The following WNT10A variants were observed in gnomAD, a reference collection of about 807,000 sequenced individuals.
The protein encoded by WNT10A is protein Wnt-10a.
In WNT10A, 37 loss-of-function variants were observed where a neutral mutation model predicts 36.1. That is an observed-to-expected ratio of 1.02 (90% confidence interval 0.79 to 1.35). The LOEUF is 1.35. Ranked by LOEUF, WNT10A falls within the 40% of genes most tolerant of loss-of-function variation. WNT10A has a pLI of 0.00. For missense variants in WNT10A, 613 were observed against 601.4 expected, an observed-to-expected ratio of 1.02 and a Z score of -0.20; for synonymous variants, 255 against 254.1, an observed-to-expected ratio of 1.00 and a Z score of -0.03.
chr2:218,877,757 G>A (rs1944465337), upstream of WNT10A, among the ~76,000 whole-genome samples: 1 of 152,216 alleles, frequency 6.6e-6, no homozygotes, highest in Admixed American at 6.5e-5. The surrounding 1 kb of genome is among the most constrained non-coding windows in gnomAD (Gnocchi z 4.1). Flanking sequence ...TTGGGAGTTT[G>A]GGGAGACTGC....
upstream of WNT10A, among the ~76,000 whole-genome samples, chr2:218,877,503 T>G (rs1944463532): frequency 6.6e-6 from 1 of 152,108 alleles, no homozygotes; most frequent in Non-Finnish European, 1.5e-5. This position sits in a 1 kb window ranked among gnomAD's most constrained non-coding sequence, Gnocchi z 4.1. Flanking sequence ...CCACCCCTGC[T>G]CATCCAGCTG....
At chr2:218,876,756 A>G (rs1318173144), upstream of WNT10A, among the ~76,000 whole-genome samples, 1 of 152,226 alleles carries the variant, frequency 6.6e-6, no homozygotes, top group Non-Finnish European at 1.5e-5. Context: ...AAACCAAACA[A>G]GCCCAAAACC....
chr2:218,879,965 G>A (rs375909689), upstream of WNT10A, among the ~76,000 whole-genome samples: 2 of 152,162 alleles, frequency 1.3e-5, no homozygotes. Flanking sequence ...TCACTGAGGA[G>A]ACAAGGTGGT....
chr2:218,885,648 A>G (rs1350026237), intron 2 of WNT10A, among the ~76,000 whole-genome samples: 1 of 152,248 alleles, frequency 6.6e-6, no homozygotes, highest in Non-Finnish European at 1.5e-5. Context: ...CCCTGCAGCC[A>G]TGCTCTCAGC....
Position 218,891,661 on chromosome 2 carries a change from C to G in WNT10A, c.757-1113C>G, listed in dbSNP as rs7349332. On this transcript the variant is annotated intron_variant, in intron 3 of 3. Coordinates refer to ENST00000258411, the MANE Select transcript of WNT10A (RefSeq NM_025216.3). ...AACTGGTTAATTAATGGCTGCTGCC[C>G]GTGGGAAGCAGATGTTCTGGAGCTG... is the stretch of plus-strand genomic sequence containing the variant. 2.6e-5 allele frequency among the ~76,000 whole-genome samples: 4 copies of G among 152,078 alleles called. 1 individual carries two copies. Among genetic ancestry groups the G allele is most frequent in the African/African-American group, 7.2e-5 (3 of 41,400 alleles).
At chr2:218,888,779 A>C (rs1944612131) in intron 2 of WNT10A, among the ~76,000 whole-genome samples, 1 of 152,236 alleles carries the variant, frequency 6.6e-6, no homozygotes, top group African/African-American at 2.4e-5. Context: ...ATCTTGGGGC[A>C]GGGAGCATTA....
At chr2:218,890,462 T>C (rs1306706605) in intron 3 of WNT10A, 99 bp downstream of exon 3, 5 of 1,535,354 alleles carry the variant, frequency 3.3e-6, no homozygotes, top group South Asian at 2.3e-5. Context: ...TGCTCCCACA[T>C]GTCACACCTT....
intron 2 of WNT10A, among the ~76,000 whole-genome samples, chr2:218,887,266 G>A (rs1263448042): frequency 6.6e-6 from 1 of 152,126 alleles, no homozygotes; most frequent in Admixed American, 6.5e-5. Context: ...GTTTGGTAGT[G>A]GTGGCAGTGT....
In WNT10A at chr2:218,882,189, C is replaced by T. The variant is rs774127616; in HGVS notation, c.142C>T (p.Arg48Cys). Reference protein sequence around the residue: ...RSAPNDILDLRLPPEPVLNAN... With the variant: ...RSAPNDILDLCLPPEPVLNAN... ...AGCACCCAATGACATTCTGGACCTCCGCCTCCCCCCGGAGCCCGTGCTCAA... is the reference window on the plus strand; with the variant it reads ...AGCACCCAATGACATTCTGGACCTCTGCCTCCCCCCGGAGCCCGTGCTCAA... The change falls in exon 2 of 4, where the codon CGC (arginine) becomes TGC (cysteine). Residue 48 changes from arginine to cysteine, a missense_variant. Physicochemically the swap from Arg to Cys is radical, Grantham distance 180. Transcript: ENST00000258411. 3.7e-5 allele frequency: 59 copies of T among 1,613,998 alleles called. No homozygotes were observed. The highest frequency in any genetic ancestry group is 4.4e-5 in the South Asian group (4 of 91,082).
At chr2:218,875,355 C>A in the WNT10A span, among the ~76,000 whole-genome samples, 10 of 151,246 alleles carry the variant, frequency 6.6e-5, no homozygotes, top group South Asian at 2.1e-3. Flanking sequence ...CACTTGGATA[C>A]GTTTTTTTGT....
In WNT10A at chr2:218,893,283, T is replaced by G. The variant is rs1575235264; in HGVS notation, c.*12T>G. 1.3e-6 allele frequency: 2 copies of G among 1,541,452 alleles called. No individual in the cohort carries two copies. The highest frequency in any genetic ancestry group is 1.7e-6 in the Non-Finnish European group (2 of 1,149,432). On this transcript the variant is annotated 3_prime_UTR_variant, in exon 4 of 4. Transcript: ENST00000258411. The surrounding 1 kb of genome is among the most constrained non-coding windows in gnomAD (Gnocchi z 6.3). ...GCGTCTGCAAGTGAGCGGCCCGGGG[T>G]CCCCTGGGCCCTGATCGAGGTCCCC...
At chr2:218,885,492 G>A (rs73993334) in intron 2 of WNT10A, among the ~76,000 whole-genome samples, 8,647 of 152,288 alleles carry the variant, frequency 0.057, 762 homozygotes, top group African/African-American at 0.19. Context: ...ACTGGAGTAA[G>A]AGAGGAGGAG....
At chr2:218,880,735 G>T (rs1056278516), upstream of WNT10A, 1 of 429,596 alleles carries the variant, frequency 2.3e-6, no homozygotes, top group African/African-American at 2.1e-5. This position sits in a 1 kb window ranked among gnomAD's most constrained non-coding sequence, Gnocchi z 7.7. Context: ...GGGGGGCCTC[G>T]GGAAATTCCC....
intron 3 of WNT10A, among the ~76,000 whole-genome samples, chr2:218,892,303 C>CCACACA (rs60385784): frequency 2.8e-4 from 28 of 100,948 alleles, no homozygotes; most frequent in Middle Eastern, 4.3e-3. Context: ...ACCCACCCCA[C>CCACACA]CACACACACA....
intron 1 of WNT10A, 82 bp from the exon 2 acceptor site, chr2:218,882,079 G>A (rs1000438849): frequency 2.2e-5 from 34 of 1,541,148 alleles, no homozygotes; most frequent in Admixed American, 9.0e-5. Flanking sequence ...GATTATGGCC[G>A]TTGGGACAGA....
chr2:218,890,712 C>T (rs1253143788), intron 3 of WNT10A, among the ~76,000 whole-genome samples: 1 of 152,118 alleles, frequency 6.6e-6, no homozygotes, highest in Non-Finnish European at 1.5e-5. Flanking sequence ...CTGACTCCTC[C>T]CCTATAGAGT....
rs1944524701 is a variant in WNT10A at position 218,882,154 on chromosome 2, T to A, written c.114-7T>A. 6.2e-7 allele frequency: 1 copy of A among 1,613,662 alleles called. No homozygotes were observed. The highest frequency in any genetic ancestry group is 1.1e-5 in the South Asian group (1 of 91,062). On this transcript the variant is annotated splice_polypyrimidine_tract_variant and splice_region_variant and intron_variant, in intron 1 of 3. Coordinates refer to ENST00000258411, the MANE Select transcript of WNT10A (RefSeq NM_025216.3). ...ACACGTACCCACTCCACCCCATATG[T>A]CTGCAGGTCAGCACCCAATGACATT...
chr2:218,880,843 G>A (rs886055640), upstream of WNT10A: 37 of 852,434 alleles, frequency 4.3e-5, no homozygotes, highest in East Asian at 1.2e-3. The surrounding 1 kb of genome is among the most constrained non-coding windows in gnomAD (Gnocchi z 7.7). Flanking sequence ...GAGCGGGGAG[G>A]CGGGCGCCGT....
At chr2:218,880,578 C>T, upstream of WNT10A, 1 of 192,248 alleles carries the variant, frequency 5.2e-6, no homozygotes. This position sits in a 1 kb window ranked among gnomAD's most constrained non-coding sequence, Gnocchi z 7.7. Context: ...CAGACAGCGC[C>T]GCCCCCGCCA....
Sources: gnomAD v4.1 joint callset for allele counts (sites outside exome capture counted in the v4.1 genomes callset) on GRCh38, gnomAD v4.1.1 for gene constraint, Gnocchi (gnomAD v3.1) non-coding constraint, MANE v1.5 for transcripts, NCBI Gene and HGNC (gene_info 2026-07-23, HGNC 2026-07-21) for gene names.